PCLO: variants seen among roughly 807,000 people sequenced by gnomAD.
The protein encoded by PCLO is piccolo presynaptic cytomatrix protein.
PCLO carries 82 observed loss-of-function variants against 427.5 expected under a neutral mutation model. The ratio of observed to expected loss-of-function variants is 0.19; its 90% confidence interval spans 0.16 to 0.23. The LOEUF (loss-of-function observed/expected upper bound fraction) is 0.23. Ranked by LOEUF, PCLO falls within the 10% of genes least tolerant of loss-of-function variation. The pLI is 1.00. For synonymous variants in PCLO, 2,357 were observed against 2,155.4 expected (o/e 1.09, Z -2.59); for missense variants, 6,239 against 6,115.9 (o/e 1.02, Z -0.67).
chr7:82,755,411 A>G lies in PCLO; in HGVS notation c.*3164T>C, dbSNP rs1423703785. ...ACAGAGAAAACACCAACTTCGTGCT[A>G]CTAGGGTTATTTGTGTCTGTAATGA... On this transcript the variant is annotated 3_prime_UTR_variant, in exon 25 of 25. Coordinates refer to ENST00000333891, the MANE Select transcript of PCLO (RefSeq NM_033026.6). The G allele has an allele frequency of 6.6e-6, 1 of 152,148 alleles. No individual in the cohort carries two copies. Among genetic ancestry groups the G allele is most frequent in the Non-Finnish European group, 1.5e-5 (1 of 68,036 alleles). The allele number at this position is 152,148 out of a possible 1,614,324, so 9.4% of individuals were successfully genotyped here. A position where few individuals can be genotyped will look rare whatever the true frequency, so the allele number is the denominator to read the frequency against.
chr7:82,758,748 A>T, intron 24 of PCLO, 33 bp from the exon 25 acceptor site: 1 of 1,313,136 alleles, frequency 7.6e-7, no homozygotes, highest in Non-Finnish European at 1.1e-6. Context: ...AACATATTTA[A>T]TTTATACACA....
intron 9 of PCLO, among the ~76,000 whole-genome samples, chr7:82,888,638 A>G (rs533824219): frequency 6.6e-6 from 1 of 152,308 alleles, no homozygotes; most frequent in South Asian, 2.1e-4. Flanking sequence ...AAACGAAGCT[A>G]TATTTTCAAT....
At chr7:82,908,815 T>G in intron 8 of PCLO, 62 bp downstream of exon 8, 1 of 1,401,556 alleles carries the variant, frequency 7.1e-7, no homozygotes, top group Non-Finnish European at 1.0e-6. Flanking sequence ...TTAAGACCAT[T>G]CTAGGGTAGA....
chr7:83,038,023 A>ATATATATATT (rs1562932918), intron 3 of PCLO, among the ~76,000 whole-genome samples: 14 of 52,808 alleles, frequency 2.7e-4, no homozygotes, highest in African/African-American at 1.9e-3. Flanking sequence ...ATATATATAT[A>ATATATATATT]TATATATTTA....
At chr7:83,085,447 G>A (rs1241833602) in intron 3 of PCLO, among the ~76,000 whole-genome samples, 1 of 152,122 alleles carries the variant, frequency 6.6e-6, no homozygotes, top group Admixed American at 6.6e-5. Flanking sequence ...GTAAAAACTT[G>A]ACAGGTTTCA....
chr7:82,871,063 A>G (rs1385471139), intron 10 of PCLO, among the ~76,000 whole-genome samples: 1 of 152,082 alleles, frequency 6.6e-6, no homozygotes, highest in East Asian at 1.9e-4. Flanking sequence ...TTCCTCAAAA[A>G]ACCAAAAATA....
intron 1 of PCLO, among the ~76,000 whole-genome samples, chr7:83,160,174 G>A (rs1201463170): frequency 6.6e-6 from 1 of 152,086 alleles, no homozygotes; most frequent in Non-Finnish European, 1.5e-5. Flanking sequence ...ATCCTCAATG[G>A]ACTAAGACAG....
chr7:82,796,340 GA>G (rs1791223303), intron 22 of PCLO, among the ~76,000 whole-genome samples: 1 of 152,102 alleles, frequency 6.6e-6, no homozygotes. Context: ...AAGGTCCAGG[GA>G]AATCACACCC....
chr7:83,134,840 G>A lies in PCLO; in HGVS notation c.2710C>T (p.Arg904Cys), dbSNP rs774073890. Residue 904 changes from arginine (R) to cysteine (C), a missense_variant, in exon 3 of 25, where the codon CGT becomes TGT. Physicochemically the swap from Arg to Cys is radical, Grantham distance 180 (BLOSUM62 -3). Transcript: ENST00000333891. The part of the protein sequence containing the change: ...QSPKPQEQSR[R>C]FSLNLGSITD... ...ATACTTCCCAGATTCAGACTGAAACGCCTTGACTGCTCCTGAGGCTTTGGG... is the reference window on the plus strand; with the variant it reads ...ATACTTCCCAGATTCAGACTGAAACACCTTGACTGCTCCTGAGGCTTTGGG... 16 of 1,611,978 alleles carry A rather than the reference G, an allele frequency of 9.9e-6. No individual in the cohort carries two copies. The highest frequency in any genetic ancestry group is 5.0e-5 in the Admixed American group (3 of 59,874).
chr7:82,956,635 C>T lies in PCLO; in HGVS notation c.4318G>A (p.Glu1440Lys), dbSNP rs765809782. ...TCTTTAGGCTGTTCAGGAGAAACTT[C>T]ATGGGGTTGTGTTTTCTTTTCTGAC... is the stretch of plus-strand genomic sequence containing the variant. ...EKSEKKTQPH[E>K]VSPEQPKDQE... Residue 1440 changes from glutamate to lysine, a missense_variant, in exon 5 of 25, where the codon GAA (glutamate) becomes AAA (lysine). Transcript: ENST00000333891. 2 of 1,613,876 alleles carry T rather than the reference C, an allele frequency of 1.2e-6. No individual in the cohort carries two copies. Among genetic ancestry groups the T allele is most frequent in the South Asian group, 2.2e-5 (2 of 91,078 alleles).
At position 82,835,473 on chromosome 7, in the gene PCLO, T is replaced by G. The variant is rs535329020; in HGVS notation, c.14249+194A>C. 2.6e-5 allele frequency among the ~76,000 whole-genome samples: 4 copies of G among 152,192 alleles called. No individual in the cohort carries two copies. The East Asian group carries it at 7.7e-4, about 29-fold the overall frequency. On this transcript the variant is annotated intron_variant, in intron 16 of 24. Transcript: ENST00000333891. ...TATTTTCTACTTTTCTGTGTTCTATTGCACACATCTGCTAAAGCTATTTAG... is the reference window on the plus strand; with the variant it reads ...TATTTTCTACTTTTCTGTGTTCTATGGCACACATCTGCTAAAGCTATTTAG...
rs184843635 is a variant in PCLO at position 82,951,938 on chromosome 7, A to C, written c.9015T>G (p.Phe3005Leu). ...SDTNLAEAGH[F>L]FYKSKNAFDY... ...CAAAAGCATTCTTACTTTTATAGAAAAAATGTCCAGCTTCTGCTAAATTTG... is the reference window on the plus strand; with the variant it reads ...CAAAAGCATTCTTACTTTTATAGAACAAATGTCCAGCTTCTGCTAAATTTG... Residue 3005 changes from phenylalanine to leucine, a missense_variant, in exon 5 of 25, where the codon TTT becomes TTG. Physicochemically the swap from Phe to Leu is conservative, Grantham distance 22. Around this residue, in one of 5 missense-constraint regions of PCLO, gnomAD observed 4,677 missense variants for 4,468.4 expected, o/e 1.05. Transcript: ENST00000333891. The C allele has an allele frequency of 7.1e-5, 115 of 1,613,918 alleles. No individual in the cohort carries two copies. In the East Asian group the frequency reaches 2.5e-3, roughly 35 times the overall value.
In PCLO at chr7:83,135,310, G is replaced by T. The variant is rs751231050; in HGVS notation, c.2240C>A (p.Ala747Asp). 1 of 1,613,924 alleles carries T rather than the reference G, an allele frequency of 6.2e-7. No homozygotes were observed. The highest frequency in any genetic ancestry group is 8.5e-7 in the Non-Finnish European group (1 of 1,179,870). The change falls in exon 3 of 25, where the codon GCC (alanine) becomes GAC (aspartate). Residue 747 changes from alanine to aspartate, a missense_variant. Around this residue, in one of 5 missense-constraint regions of PCLO, gnomAD observed 4,677 missense variants for 4,468.4 expected, o/e 1.05. Transcript: ENST00000333891. The part of the protein sequence containing the change: ...EPSVPSEQDK[A>D]PVADDKPKQP... ...CTTTGGTTTATCATCAGCAACAGGG[G>T]CCTTGTCCTGCTCAGATGGGACAGA...
chr7:83,118,663 C>T (rs1791193894), intron 3 of PCLO, among the ~76,000 whole-genome samples: 2 of 152,152 alleles, frequency 1.3e-5, no homozygotes, highest in African/African-American at 2.4e-5. Flanking sequence ...CAAGCAGCCC[C>T]AGCCAGAGGG....
intron 22 of PCLO, among the ~76,000 whole-genome samples, chr7:82,793,276 T>C (rs1325361022): frequency 1.3e-5 from 2 of 152,164 alleles, no homozygotes; most frequent in Non-Finnish European, 2.9e-5. Flanking sequence ...TCCCTGGCTT[T>C]GACCTTCCCA....
In PCLO at chr7:82,915,986, G is replaced by A. The variant is rs1239913004; in HGVS notation, c.12000C>T (p.Ser4000=). Residue 4000 remains serine, a synonymous_variant, in exon 7 of 25, where the codon TCC becomes TCT. Coordinates refer to ENST00000333891, the MANE Select transcript of PCLO (RefSeq NM_033026.6). The part of the protein sequence containing the change: ...PVSTDNTFAV[S]HLGSKYNSLD... ...AACTATTGTACTTACTACCAAGATG[G>A]GAAACAGCAAATGTGTTATCCGTAG... 3 of 1,612,666 alleles carry A rather than the reference G, an allele frequency of 1.9e-6. No individual in the cohort carries two copies. Among genetic ancestry groups the A allele is most frequent in the East Asian group, 2.2e-5 (1 of 44,866 alleles).
chr7:83,131,761 C>T (rs1454040932), intron 3 of PCLO, among the ~76,000 whole-genome samples: 1 of 151,834 alleles, frequency 6.6e-6, no homozygotes, highest in East Asian at 1.9e-4. Context: ...AAACATATTA[C>T]AAGCAGAATA....
rs189842779 is a variant in PCLO, at chr7:82,890,151, C to T, written c.13529-10689G>A. 2.4e-4 allele frequency among the ~76,000 whole-genome samples: 36 copies of T among 151,846 alleles called. No homozygotes were observed. The South Asian group carries it at 2.7e-3, about 11-fold the overall frequency. Reference sequence around the variant, plus strand: ...CCATTTAGCTACTACAAGCTGAGAGCGAGGTGGGCATTTGCCTTTGAGATC... The same window carrying T: ...CCATTTAGCTACTACAAGCTGAGAGTGAGGTGGGCATTTGCCTTTGAGATC... On this transcript the variant is annotated intron_variant, in intron 9 of 24. Coordinates refer to ENST00000333891, the MANE Select transcript of PCLO (RefSeq NM_033026.6).
chr7:83,145,286 C>A (rs2116650925), intron 2 of PCLO, among the ~76,000 whole-genome samples: 1 of 152,128 alleles, frequency 6.6e-6, no homozygotes, highest in African/African-American at 2.4e-5. Context: ...CTGGTTTGGA[C>A]AGAAGTATGT....
Sources: gnomAD v4.1 joint callset for allele counts (sites outside exome capture counted in the v4.1 genomes callset) on GRCh38, gnomAD v4.1.1 for gene constraint, gnomAD v4.1.1 regional missense constraint, MANE v1.5 for transcripts, NCBI Gene and HGNC (gene_info 2026-07-23, HGNC 2026-07-21) for gene names.